CYP2A6: variants seen among roughly 807,000 people sequenced by gnomAD.
CYP2A6 encodes the protein cytochrome P450 family 2 subfamily A member 6, also known as cytochrome P450 2A6.
Under a neutral mutation model 42.3 loss-of-function variants are expected in CYP2A6, and 27 were observed. The ratio of observed to expected loss-of-function variants is 0.64; its 90% CI spans 0.47 to 0.88. The LOEUF (loss-of-function observed/expected upper bound fraction) is 0.88, where lower values mean the gene tolerates loss of function less well. Among genes scored for constraint, CYP2A6 ranks in the 40% least tolerant of loss-of-function variants. The probability of loss-of-function intolerance (pLI) is 0.00; values close to 1 mark genes in which losing one functional copy is unlikely to be tolerated. For missense variants in CYP2A6, 628 were observed against 646.0 expected, an observed-to-expected ratio of 0.97 and a Z score of 0.30; for synonymous variants, 238 against 246.3, an observed-to-expected ratio of 0.97 and a Z score of 0.31.
At chr19:40,844,566 G>A in intron 8 of CYP2A6, 65 bp downstream of exon 8, 2 of 1,609,592 alleles carry the variant, frequency 1.2e-6, no homozygotes, top group African/African-American at 1.3e-5. Context: ...GCAGAGAGGG[G>A]AGGAGGGTGA....
chr19:40,849,045 G>GGACAGAGAGA (rs1967169845), intron 2 of CYP2A6, among the ~76,000 whole-genome samples: 1 of 24,246 alleles, frequency 4.1e-5, no homozygotes, highest in Non-Finnish European at 6.9e-5. Flanking sequence ...AAGAGAGAGA[G>GGACAGAGAGA]GAGAGAGAGA....
chr19:40,847,104 A>T, intron 4 of CYP2A6, 53 bp from the exon 5 acceptor site: 1 of 1,586,560 alleles, frequency 6.3e-7, no homozygotes, highest in Non-Finnish European at 8.6e-7. Context: ...ACGGGGCAGG[A>T]GCTGATGGGA....
rs1427587692 is a variant in CYP2A6 at position 40,848,751 on chromosome 19, C to G, written c.356G>C (p.Ser119Thr). The G allele has an allele frequency of 6.2e-7, 1 of 1,611,430 alleles. No individual in the cohort carries two copies. The highest frequency in any genetic ancestry group is 8.5e-7 in the Non-Finnish European group (1 of 1,179,808). The stretch of plus-strand genomic sequence containing the variant: ...GAGCTGCTTGGCGCGCTCCCCGTTG[C>G]TGAATACCACGCCTGGGGAGGTGAA... ...WVFKGYGVVF[S>T]NGERAKQLRR... The change falls in exon 3 of 9, where the codon AGC becomes ACC. Residue 119 changes from serine (S) to threonine (T), a missense_variant. Around this residue, in one of 2 missense-constraint regions of CYP2A6, gnomAD observed 606 missense variants for 568.1 expected, o/e 1.07. Transcript: ENST00000301141.
In CYP2A6 at chr19:40,846,076, C is replaced by G; in HGVS notation, c.853G>C (p.Glu285Gln). ...MQEEEKNPNT[E>Q]FYLKNLVMTT... is the part of the protein sequence containing the mutation. ...ATCACCAGGTTTTTCAAGTAGAACT[C>G]CGTGTTGGGGTTCTTCTCCTCCTGC... is the stretch of plus-strand genomic sequence containing the variant. Residue 285 changes from glutamate to glutamine, a missense_variant, in exon 6 of 9, where the codon GAG (glutamate) becomes CAG (glutamine). Transcript: ENST00000301141. 1 of 1,611,620 alleles carries G rather than the reference C, an allele frequency of 6.2e-7. No homozygotes were observed. The highest frequency in any genetic ancestry group is 8.5e-7 in the Non-Finnish European group (1 of 1,179,854).
At chr19:40,846,634 G>C (rs1599778449) in intron 5 of CYP2A6, among the ~76,000 whole-genome samples, 5 of 151,598 alleles carry the variant, frequency 3.3e-5, no homozygotes, top group Non-Finnish European at 2.9e-5. Flanking sequence ...ATTTTTAGTA[G>C]AGACGGGGTT....
Position 40,850,411 on chromosome 19 carries a change from T to G in CYP2A6, c.16A>C (p.Met6Leu), listed in dbSNP as rs72549432. The G allele has an allele frequency of 7.9e-4, 1,273 of 1,609,568 alleles. 31 individuals are homozygous for G. The African/African-American group carries it at 0.014, about 18-fold the overall frequency. ...CAGACCAGCAAGGCCACCAGAAGCA[T>G]CCCTGAGGCCAGCATGGTGGTAGTG... Reference protein sequence around the residue: MLASGMLLVALLVCLT... With the variant: MLASGLLLVALLVCLT... Residue 6 changes from methionine to leucine, a missense_variant, in exon 1 of 9, where the codon ATG becomes CTG. By Grantham distance (15) the Met-to-Leu change is conservative (BLOSUM62 2). Around this residue, in one of 2 missense-constraint regions of CYP2A6, gnomAD observed 606 missense variants for 568.1 expected, o/e 1.07. Coordinates refer to ENST00000301141, the MANE Select transcript of CYP2A6 (RefSeq NM_000762.6).
In CYP2A6 at chr19:40,844,733, C is replaced by G; in HGVS notation, c.1201G>C (p.Asp401His). Reference protein sequence around the residue: ...VYPMLGSVLRDPSFFSNPQDF... With the variant: ...VYPMLGSVLRHPSFFSNPQDF... ...TGGGGGTTGGAGAAGAAACTGGGGT[C>G]TCTCAGCACAGAGCCCAGCATAGGG... The change falls in exon 8 of 9, where the codon GAC (aspartate) becomes CAC (histidine). Residue 401 changes from aspartate to histidine, a missense_variant. By Grantham distance (81) the Asp-to-His change is moderately conservative. Coordinates refer to ENST00000301141, the MANE Select transcript of CYP2A6 (RefSeq NM_000762.6). 6.2e-7 allele frequency: 1 copy of G among 1,611,658 alleles called. No homozygotes were observed. The highest frequency in any genetic ancestry group is 1.1e-5 in the South Asian group (1 of 90,908).
rs1348142691 is a variant in CYP2A6, at chr19:40,844,989, A to T, written c.1162-217T>A. ...TGGGGTCCATGTCCTTCTAGGCAGG[A>T]GTTTGGGGGACCTGAGATTTCTGTC... On this transcript the variant is annotated intron_variant, in intron 7 of 8. Coordinates refer to ENST00000301141, the MANE Select transcript of CYP2A6 (RefSeq NM_000762.6). 101 of 676,618 alleles carry T rather than the reference A, an allele frequency of 1.5e-4. 13 individuals are homozygous for T. In the East Asian group the frequency reaches 3.1e-3, roughly 21 times the overall value. 41.9% of individuals were successfully genotyped at this position (676,618 alleles called of 1,614,324 possible).
chr19:40,847,314 G>A (rs60844121), intron 4 of CYP2A6, among the ~76,000 whole-genome samples: 1 of 151,536 alleles, frequency 6.6e-6, no homozygotes, highest in East Asian at 2.0e-4. Flanking sequence ...CTGGATTGGA[G>A]CACACATCTA....
At chr19:40,847,117 G>A in intron 4 of CYP2A6, 66 bp from the exon 5 acceptor site, 1 of 1,568,510 alleles carries the variant, frequency 6.4e-7, no homozygotes, top group East Asian at 2.4e-5. Context: ...TGATGGGAAT[G>A]GGATTTGTTT....
At position 40,848,744 on chromosome 19, in the gene CYP2A6, C is replaced by G; in HGVS notation, c.363G>C (p.Gly121=). ...FKGYGVVFSN[G]ERAKQLRRFS... Reference sequence around the variant, plus strand: ...AGCGCCGGAGCTGCTTGGCGCGCTCCCCGTTGCTGAATACCACGCCTGGGG... The same window carrying G: ...AGCGCCGGAGCTGCTTGGCGCGCTCGCCGTTGCTGAATACCACGCCTGGGG... Residue 121 remains glycine, a synonymous_variant, in exon 3 of 9, where the codon GGG becomes GGC. Coordinates refer to ENST00000301141, the MANE Select transcript of CYP2A6 (RefSeq NM_000762.6). 4 of 1,611,530 alleles carry G rather than the reference C, an allele frequency of 2.5e-6. No homozygotes were observed. The highest frequency in any genetic ancestry group is 2.5e-6 in the Non-Finnish European group (3 of 1,179,842).
chr19:40,845,409 A>T lies in CYP2A6; in HGVS notation c.1046T>A (p.Met349Lys), dbSNP rs1458257280. The T allele has an allele frequency of 6.2e-7, 1 of 1,611,656 alleles. No homozygotes were observed. Among genetic ancestry groups the T allele is most frequent in the Non-Finnish European group, 8.5e-7 (1 of 1,179,918 alleles). ...RQPKFEDRAKMPYMEAVIHEI... is the reference protein window; with the variant it reads ...RQPKFEDRAKKPYMEAVIHEI... Reference sequence around the variant, plus strand: ...GTGGATCACTGCCTCCATGTAGGGCATCTTGGCCCGGTCCTCAAACTTGGG... The same window carrying T: ...GTGGATCACTGCCTCCATGTAGGGCTTCTTGGCCCGGTCCTCAAACTTGGG... Residue 349 changes from methionine to lysine, a missense_variant, in exon 7 of 9, where the codon ATG becomes AAG. Coordinates refer to ENST00000301141, the MANE Select transcript of CYP2A6 (RefSeq NM_000762.6).
rs535832503 is a variant in CYP2A6 at position 40,848,717 on chromosome 19, G to A, written c.390C>T (p.Phe130=). Residue 130 remains phenylalanine, a synonymous_variant, in exon 3 of 9, where the codon TTC becomes TTT. Transcript: ENST00000301141. ...CGAAGTCCCGCAGGGTGGCGATGGA[G>A]AAGCGCCGGAGCTGCTTGGCGCGCT... ...NGERAKQLRR[F]SIATLRDFGV... is the part of the protein sequence containing the mutation. 417 of 1,611,858 alleles carry A rather than the reference G, an allele frequency of 2.6e-4. 7 individuals carry two copies. In the African/African-American group the frequency reaches 4.5e-3, roughly 18 times the overall value.
rs577267650 is a variant in CYP2A6 at position 40,849,881 on chromosome 19, G to T, written c.280C>A (p.Gln94Lys). 1.4e-5 allele frequency: 22 copies of T among 1,611,568 alleles called. 2 individuals carry two copies. In the South Asian group the frequency reaches 2.2e-4, roughly 16 times the overall value. The change falls in exon 2 of 9, where the codon CAG becomes AAG. Residue 94 changes from glutamine to lysine, a missense_variant. Transcript: ENST00000301141. The part of the protein sequence containing the change: ...HDAVREALVD[Q>K]AEEFSGRGEQ... ...CCTCGCCCGCTGAACTCCTCAGCCT[G>T]GTCCACCAGAGCCTCCCTGACGGCA... is the stretch of plus-strand genomic sequence containing the variant.
chr19:40,845,259 G>A, intron 7 of CYP2A6, 35 bp downstream of exon 7: 1 of 1,608,942 alleles, frequency 6.2e-7, no homozygotes, highest in Non-Finnish European at 8.5e-7. Context: ...GGGGCTGGAA[G>A]TCCCCGTAGT....
chr19:40,849,080 G>GAA (rs1967173542), intron 2 of CYP2A6, among the ~76,000 whole-genome samples: 2 of 146,378 alleles, frequency 1.4e-5, no homozygotes, highest in African/African-American at 5.1e-5. Context: ...GAGAGAGAGA[G>GAA]AGAGAGAGAC....
At chr19:40,847,414 C>G (rs1170320721) in intron 4 of CYP2A6, among the ~76,000 whole-genome samples, 1 of 151,424 alleles carries the variant, frequency 6.6e-6, no homozygotes, top group Non-Finnish European at 1.5e-5. Flanking sequence ...GTGAGTGTCA[C>G]CTGTCTAGGT....
At position 40,844,662 on chromosome 19, in the gene CYP2A6, C is replaced by G. The variant is rs2083446278; in HGVS notation, c.1272G>C (p.Lys424Asn). The G allele has an allele frequency of 1.2e-6, 2 of 1,611,726 alleles. No individual in the cohort carries two copies. The highest frequency in any genetic ancestry group is 8.5e-7 in the Non-Finnish European group (1 of 1,179,886). ...AAAAGGGCACAAAAGCATCACTCTT[C>G]TTAAACTGCCCCTTCTCATTCAGGA... Reference protein sequence around the residue: ...QHFLNEKGQFKKSDAFVPFSI... With the variant: ...QHFLNEKGQFNKSDAFVPFSI... Residue 424 changes from lysine to asparagine, a missense_variant, in exon 8 of 9, where the codon AAG (lysine) becomes AAC (asparagine). Coordinates refer to ENST00000301141, the MANE Select transcript of CYP2A6 (RefSeq NM_000762.6).
chr19:40,849,324 A>G (rs901096875), intron 2 of CYP2A6, among the ~76,000 whole-genome samples: 9 of 151,316 alleles, frequency 5.9e-5, no homozygotes, highest in African/African-American at 1.9e-4. Flanking sequence ...AGAGAAAAAT[A>G]TTGAGATAGA....
Sources: allele counts gnomAD v4.1 joint callset (sites outside exome capture counted in the v4.1 genomes callset), GRCh38; gene constraint gnomAD v4.1.1; regional missense constraint gnomAD v4.1.1; transcripts MANE v1.5; gene names NCBI Gene and HGNC (gene_info 2026-07-23, HGNC 2026-07-21).